Variants in PCDH9 observed in about 807,000 individuals in gnomAD.
PCDH9 encodes protocadherin 9.
In PCDH9, 24 loss-of-function variants were observed where a neutral mutation model predicts 70.6. That is an observed-to-expected ratio of 0.34 (90% CI 0.25 to 0.48). The LOEUF (loss-of-function observed/expected upper bound fraction) is 0.48, where lower values mean the gene tolerates loss of function less well. Among genes scored for constraint, PCDH9 ranks in the 20% least tolerant of loss-of-function variants. The pLI is 0.99. For missense variants in PCDH9, 1,281 were observed against 1,503.6 expected, an observed-to-expected ratio of 0.85 and a Z score of 2.45; for synonymous variants, 562 against 558.5, an observed-to-expected ratio of 1.01 and a Z score of -0.09.
intron 2 of PCDH9, among the ~76,000 whole-genome samples, chr13:66,906,799 C>A (rs1028919416): frequency 6.6e-6 from 1 of 151,688 alleles, no homozygotes; most frequent in East Asian, 1.9e-4. Context: ...ATTATAAATA[C>A]CCAAACTTTT....
At position 66,316,368 on chromosome 13, in the gene PCDH9, A is replaced by G. The variant is rs540414005; in HGVS notation, c.3341-11340T>C. ...AGACTAACACAGTATTTAAAGCAGA[A>G]TGCCTCACTCCTCTGCTTCCAATCA... On this transcript the variant is annotated intron_variant, in intron 4 of 4. Coordinates refer to ENST00000377865, the MANE Select transcript of PCDH9 (RefSeq NM_203487.3). Among the ~76,000 whole-genome samples, 49 of 152,312 alleles carry G rather than the reference A, an allele frequency of 3.2e-4. 2 individuals carry two copies. Among genetic ancestry groups the G allele is most frequent in the South Asian group, 2.9e-3 (14 of 4,824 alleles).
intron 3 of PCDH9, among the ~76,000 whole-genome samples, chr13:66,781,621 GCATTCTTACATGAATTATTTTTT>G: frequency 6.6e-6 from 1 of 152,252 alleles, no homozygotes; most frequent in African/African-American, 2.4e-5. Context: ...ATATGATCTT[GCATTCTTACATGAATTATTTTTT>G]GGCATGTAAG....
intron 2 of PCDH9, among the ~76,000 whole-genome samples, chr13:67,168,903 G>A (rs1046008656): frequency 3.3e-5 from 5 of 152,134 alleles, no homozygotes; most frequent in African/African-American, 1.2e-4. Flanking sequence ...GCCATCTTTT[G>A]AATGACGGTA....
chr13:66,426,110 A>G (rs1210336867), intron 4 of PCDH9, among the ~76,000 whole-genome samples: 24 of 151,678 alleles, frequency 1.6e-4, no homozygotes, highest in Admixed American at 1.5e-3. Flanking sequence ...CATTTGTACC[A>G]AACATTCATT....
chr13:67,204,098 T>C (rs2089282499), intron 2 of PCDH9: 1 of 152,140 alleles, frequency 6.6e-6, no homozygotes, highest in Non-Finnish European at 1.5e-5. Context: ...TATGTATATT[T>C]ATTTTTGCAT....
chr13:66,566,505 C>A (rs2138725914), intron 4 of PCDH9, among the ~76,000 whole-genome samples: 1 of 152,266 alleles, frequency 6.6e-6, no homozygotes, highest in East Asian at 1.9e-4. Flanking sequence ...TAGATCACTT[C>A]TCTTTCTTCA....
chr13:66,446,266 A>G (rs1958088710), intron 4 of PCDH9, among the ~76,000 whole-genome samples: 1 of 152,040 alleles, frequency 6.6e-6, no homozygotes, highest in South Asian at 2.1e-4. Context: ...AACATTTGCC[A>G]AGCTTTCCAG....
At chr13:66,360,881 G>A (rs1244081194) in intron 4 of PCDH9, among the ~76,000 whole-genome samples, 1 of 152,042 alleles carries the variant, frequency 6.6e-6, no homozygotes, top group Non-Finnish European at 1.5e-5. Flanking sequence ...CCCAGCACTA[G>A]GTAACTTATT....
At chr13:66,720,099 GT>G (rs2078921966) in intron 3 of PCDH9, among the ~76,000 whole-genome samples, 1 of 152,034 alleles carries the variant, frequency 6.6e-6, no homozygotes, top group Non-Finnish European at 1.5e-5. Context: ...AATATTAAAT[GT>G]TGTTAACTGT....
intron 2 of PCDH9, among the ~76,000 whole-genome samples, chr13:66,922,756 T>C (rs1357586466): frequency 4.0e-5 from 6 of 151,528 alleles, no homozygotes; most frequent in African/African-American, 1.5e-4. Flanking sequence ...ATGAGGAGCT[T>C]ATTCTTTTTC....
At chr13:66,455,537 A>G (rs1346118131) in intron 4 of PCDH9, among the ~76,000 whole-genome samples, 2 of 152,174 alleles carry the variant, frequency 1.3e-5, no homozygotes, top group East Asian at 1.9e-4. Context: ...TTTTTGACTG[A>G]AAGTATGAAA....
At chr13:66,934,897 T>G (rs1267753099) in intron 2 of PCDH9, among the ~76,000 whole-genome samples, 1 of 148,798 alleles carries the variant, frequency 6.7e-6, no homozygotes, top group Non-Finnish European at 1.5e-5. Context: ...ATTTTTTGTA[T>G]TTTTAGTAGA....
At chr13:66,907,339 G>A (rs1209808097) in intron 2 of PCDH9, among the ~76,000 whole-genome samples, 3 of 152,136 alleles carry the variant, frequency 2.0e-5, no homozygotes, top group African/African-American at 7.2e-5. Flanking sequence ...TTATATTGGG[G>A]GGTACATATG....
rs547181582 is a variant in PCDH9, at chr13:66,557,672, G to A, written c.3340+73538C>T. On this transcript the variant is annotated intron_variant, in intron 4 of 4. Transcript: ENST00000377865. The stretch of plus-strand genomic sequence containing the variant: ...ACAGTAAAGGGAAAACTCAAAGGAA[G>A]ATAAACTATTATAAGTATTTAGAGT... Among the ~76,000 whole-genome samples the A allele has an allele frequency of 3.9e-5, 6 of 152,274 alleles. 1 individual carries two copies. In the South Asian group the frequency reaches 1.2e-3, roughly 32 times the overall value.
intron 3 of PCDH9, among the ~76,000 whole-genome samples, chr13:66,764,610 C>A (rs1042901743): frequency 6.6e-6 from 1 of 151,866 alleles, no homozygotes; most frequent in African/African-American, 2.4e-5. Context: ...CAAAAAAGAA[C>A]AAAAGTAAAG....
chr13:66,753,590 A>G (rs2079493504), intron 3 of PCDH9, among the ~76,000 whole-genome samples: 1 of 152,226 alleles, frequency 6.6e-6, no homozygotes, highest in Non-Finnish European at 1.5e-5. Context: ...CATTCAATCA[A>G]GAAAACTGAC....
chr13:66,472,306 G>C (rs1425341851), intron 4 of PCDH9, among the ~76,000 whole-genome samples: 1 of 152,024 alleles, frequency 6.6e-6, no homozygotes, highest in South Asian at 2.1e-4. Flanking sequence ...GTGGTTGCTC[G>C]TGCCTGCAAT....
chr13:66,448,925 A>G (rs952893547), intron 4 of PCDH9, among the ~76,000 whole-genome samples: 54 of 152,266 alleles, frequency 3.5e-4, no homozygotes, highest in African/African-American at 1.2e-3. Flanking sequence ...ACTTAGCCAC[A>G]TTTTGGTATT....
At chr13:66,779,135 G>A (rs2079948605) in intron 3 of PCDH9, among the ~76,000 whole-genome samples, 2 of 149,150 alleles carry the variant, frequency 1.3e-5, no homozygotes, top group African/African-American at 4.9e-5. Context: ...TAGCTATTTT[G>A]GTATCTTTTT....
Sources: allele counts gnomAD v4.1 joint callset (sites outside exome capture counted in the v4.1 genomes callset), GRCh38; gene constraint gnomAD v4.1.1; transcripts MANE v1.5; gene names NCBI Gene and HGNC (gene_info 2026-07-23, HGNC 2026-07-21).